The following ASIC2 variants were observed in gnomAD, a reference collection of about 807,000 sequenced individuals.
ASIC2 encodes the protein acid sensing ion channel subunit 2, also known as acid-sensing ion channel 2.
Under a neutral mutation model 57.3 loss-of-function variants are expected in ASIC2, and 25 were observed. The ratio of observed to expected loss-of-function variants is 0.44; its 90% CI spans 0.32 to 0.61. The LOEUF (loss-of-function observed/expected upper bound fraction) is 0.61, where lower values mean the gene tolerates loss of function less well. ASIC2 is among the 20% of genes least tolerant of loss of function. The pLI is 0.06. For missense variants in ASIC2, 641 were observed against 738.1 expected (o/e 0.87, Z 1.52); for synonymous variants, 319 against 307.5 (o/e 1.04, Z -0.39).
At chr17:33,363,754 C>T (rs993133865) in intron 1 of ASIC2, among the ~76,000 whole-genome samples, 1 of 152,216 alleles carries the variant, frequency 6.6e-6, no homozygotes, top group Non-Finnish European at 1.5e-5. Flanking sequence ...GGTGGCTACT[C>T]TCTAAGGTGA....
intron 1 of ASIC2, among the ~76,000 whole-genome samples, chr17:33,603,994 C>G (rs1905168485): frequency 6.6e-6 from 1 of 152,194 alleles, no homozygotes; most frequent in African/African-American, 2.4e-5. Context: ...CTGCCTCACT[C>G]TGCCCACATC....
chr17:33,155,873 G>A (rs1904988661), intron 1 of ASIC2, among the ~76,000 whole-genome samples: 1 of 152,040 alleles, frequency 6.6e-6, no homozygotes, highest in Non-Finnish European at 1.5e-5. Context: ...GAGTTAATGA[G>A]CCGCAGAGTA....
intron 1 of ASIC2, among the ~76,000 whole-genome samples, chr17:33,154,125 A>C (rs1904907448): frequency 6.6e-6 from 1 of 152,134 alleles, no homozygotes; most frequent in South Asian, 2.1e-4. Flanking sequence ...GTCCTGGGCA[A>C]CTAGGATCCT....
intron 1 of ASIC2, among the ~76,000 whole-genome samples, chr17:33,307,756 C>T (rs1164563868): frequency 6.6e-6 from 1 of 152,214 alleles, no homozygotes; most frequent in Non-Finnish European, 1.5e-5. Context: ...CTCTCTGAGT[C>T]TTAATTTCCT....
At chr17:33,287,596 G>A (rs1263590942) in intron 1 of ASIC2, among the ~76,000 whole-genome samples, 3 of 152,210 alleles carry the variant, frequency 2.0e-5, no homozygotes, top group Admixed American at 1.3e-4. Context: ...TGACTGCTGA[G>A]AGATTAACTC....
chr17:33,136,358 A>G (rs1253188177), intron 1 of ASIC2, among the ~76,000 whole-genome samples: 1 of 152,242 alleles, frequency 6.6e-6, no homozygotes, highest in Non-Finnish European at 1.5e-5. Context: ...TACACACAAT[A>G]AAACAAGTAA....
chr17:33,280,076 G>A (rs1239801218), intron 1 of ASIC2, among the ~76,000 whole-genome samples: 2 of 152,022 alleles, frequency 1.3e-5, no homozygotes, highest in Non-Finnish European at 1.5e-5. Flanking sequence ...CCTCACTCCT[G>A]GCACATAGCG....
rs541020505 is a variant in ASIC2, at chr17:33,931,865, C to G, written c.555+224113G>C. The stretch of plus-strand genomic sequence containing the variant: ...AACTGCATGGGGAATGAGCGCTGTT[C>G]GGCCGTTCTCAACATTTCCTTTAAG... On this transcript the variant is annotated intron_variant, in intron 1 of 9. Transcript: ENST00000359872. Among the ~76,000 whole-genome samples the G allele has an allele frequency of 1.1e-4, 17 of 152,290 alleles. No homozygotes were observed. The East Asian group carries it at 3.1e-3, about 28-fold the overall frequency.
chr17:33,885,620 G>T (rs1320960964), intron 1 of ASIC2, among the ~76,000 whole-genome samples: 1 of 152,156 alleles, frequency 6.6e-6, no homozygotes, highest in Non-Finnish European at 1.5e-5. Flanking sequence ...ATAACTGCTG[G>T]AGTCAAGCCT....
At chr17:33,685,779 G>T (rs563710540) in intron 1 of ASIC2, among the ~76,000 whole-genome samples, 1 of 152,272 alleles carries the variant, frequency 6.6e-6, no homozygotes, top group East Asian at 1.9e-4. Flanking sequence ...AGCCCCATTG[G>T]TCAGGTGGGT....
intron 1 of ASIC2, among the ~76,000 whole-genome samples, chr17:33,838,607 C>T (rs755071434): frequency 1.4e-4 from 21 of 152,114 alleles, no homozygotes; most frequent in African/African-American, 2.4e-4. Context: ...ATTTAATTGC[C>T]GTAGAACTGG....
intron 1 of ASIC2, among the ~76,000 whole-genome samples, chr17:33,684,758 A>C (rs1180542429): frequency 1.3e-5 from 2 of 152,110 alleles, no homozygotes; most frequent in Non-Finnish European, 2.9e-5. Context: ...TTAATTGAGG[A>C]AATCATATCC....
intron 1 of ASIC2, among the ~76,000 whole-genome samples, chr17:34,024,838 A>G (rs764086749): frequency 1.8e-4 from 28 of 152,330 alleles, no homozygotes; most frequent in Non-Finnish European, 4.0e-4. Context: ...GTTTACTTGA[A>G]TCCTCTCTTG....
chr17:33,744,063 C>T (rs143772547), intron 1 of ASIC2, among the ~76,000 whole-genome samples: 1 of 152,250 alleles, frequency 6.6e-6, no homozygotes, highest in East Asian at 1.9e-4. Flanking sequence ...GCCAAAGCTC[C>T]CCTTAAAGGA....
chr17:33,875,146 C>T (rs1043882494), intron 1 of ASIC2, among the ~76,000 whole-genome samples: 10 of 152,144 alleles, frequency 6.6e-5, no homozygotes, highest in African/African-American at 2.2e-4. Flanking sequence ...TTGATGATTT[C>T]CCATGGAGTG....
rs145690988 is a variant in ASIC2 at position 33,211,786 on chromosome 17, C to G, written c.708+79622G>C. ...CTGTTTGCACAATTGGCTCTTGCAT[C>G]CCGAAAGTATTTGCTGAATCCTTAA... On this transcript the variant is annotated intron_variant, in intron 1 of 9. Coordinates refer to ENST00000225823, the MANE Select transcript of ASIC2 (RefSeq NM_183377.2). Among the ~76,000 whole-genome samples the G allele has an allele frequency of 3.3e-4, 50 of 152,282 alleles. No individual in the cohort carries two copies. In the East Asian group the frequency reaches 4.2e-3, roughly 13 times the overall value.
intron 1 of ASIC2, among the ~76,000 whole-genome samples, chr17:33,904,163 C>CAAAAAAA (rs769795292): frequency 2.3e-4 from 13 of 55,836 alleles, no homozygotes; most frequent in Non-Finnish European, 3.4e-4. Context: ...AACTCCGTCT[C>CAAAAAAA]AAAAAAAAAA....
At chr17:33,058,251 A>T (rs2092005619) in intron 3 of ASIC2, among the ~76,000 whole-genome samples, 1 of 152,148 alleles carries the variant, frequency 6.6e-6, no homozygotes, top group African/African-American at 2.4e-5. Flanking sequence ...ACCGAGGCAC[A>T]GCTGTTCAAT....
chr17:33,757,527 C>T (rs901599549), intron 1 of ASIC2, among the ~76,000 whole-genome samples: 4 of 152,160 alleles, frequency 2.6e-5, no homozygotes, highest in Admixed American at 6.5e-5. Context: ...GAGAAATTCA[C>T]AAGATCTTTG....
Sources: allele counts gnomAD v4.1 joint callset (sites outside exome capture counted in the v4.1 genomes callset), GRCh38; gene constraint gnomAD v4.1.1; transcripts MANE v1.5; gene names NCBI Gene and HGNC (gene_info 2026-07-23, HGNC 2026-07-21).